The following HIP1 variants were observed in gnomAD, a reference collection of about 807,000 sequenced individuals.
HIP1 encodes the protein huntingtin interacting protein 1.
HIP1 carries 65 observed loss-of-function variants against 147.6 expected under a neutral mutation model. The observed-to-expected ratio is 0.44, with a 90% CI of 0.36 to 0.54. The LOEUF (loss-of-function observed/expected upper bound fraction) is 0.54, where lower values mean the gene tolerates loss of function less well. HIP1 is among the 20% of genes least tolerant of loss of function. The probability of loss-of-function intolerance (pLI) is 0.00; values close to 1 mark genes in which losing one functional copy is unlikely to be tolerated. For synonymous variants in HIP1, 479 were observed against 504.0 expected (o/e 0.95, Z 0.67); for missense variants, 1,061 against 1,299.6 (o/e 0.82, Z 2.82).
intron 30 of HIP1, among the ~76,000 whole-genome samples, chr7:75,538,829 C>T (rs1209566405): frequency 1.3e-5 from 2 of 152,072 alleles, no homozygotes; most frequent in African/African-American, 4.8e-5. Flanking sequence ...CCGCCTCGGC[C>T]TCCCAAAGTG....
At chr7:75,689,128 C>T (rs1455636466) in intron 1 of HIP1, among the ~76,000 whole-genome samples, 5 of 151,926 alleles carry the variant, frequency 3.3e-5, no homozygotes, top group Admixed American at 2.0e-4. Flanking sequence ...GGTGGGAGGA[C>T]CACTTGAACC....
chr7:75,570,537 C>T (rs1274687912), intron 8 of HIP1, among the ~76,000 whole-genome samples: 35 of 143,098 alleles, frequency 2.4e-4, no homozygotes, highest in Middle Eastern at 9.4e-3. Context: ...ATGATCCGCC[C>T]ACCTCGGCCT....
intron 14 of HIP1, among the ~76,000 whole-genome samples, chr7:75,558,640 T>C (rs1795109528): frequency 6.6e-6 from 1 of 152,190 alleles, no homozygotes; most frequent in Non-Finnish European, 1.5e-5. Context: ...GATTTAGGAA[T>C]GCATATATGC....
At chr7:75,641,170 A>T (rs1454956188) in intron 1 of HIP1, among the ~76,000 whole-genome samples, 1 of 151,806 alleles carries the variant, frequency 6.6e-6, no homozygotes, top group Admixed American at 6.6e-5. Flanking sequence ...GCTGGTCATG[A>T]TGGCGCACAC....
intron 1 of HIP1, chr7:75,654,543 C>T (rs1799088460): frequency 6.6e-6 from 1 of 152,248 alleles, no homozygotes; most frequent in Non-Finnish European, 1.5e-5. Context: ...ATCCAACCAA[C>T]CAGGCCAACC....
intron 28 of HIP1, among the ~76,000 whole-genome samples, chr7:75,542,568 G>C (rs182104126): frequency 1.3e-5 from 2 of 151,844 alleles, no homozygotes; most frequent in Non-Finnish European, 2.9e-5. Context: ...GCATGGTGGC[G>C]GGCGCCTGTA....
chr7:75,695,757 T>C (rs1022686823), intron 1 of HIP1, among the ~76,000 whole-genome samples: 12 of 152,070 alleles, frequency 7.9e-5, no homozygotes, highest in Non-Finnish European at 1.5e-4. Flanking sequence ...GTATTTTTAG[T>C]AGAGACGGGG....
chr7:75,548,941 C>T lies in HIP1; in HGVS notation c.2356G>A (p.Glu786Lys). 1 of 1,614,150 alleles carries T rather than the reference C, an allele frequency of 6.2e-7. No homozygotes were observed. The highest frequency in any genetic ancestry group is 2.2e-5 in the East Asian group (1 of 44,884). The change falls in exon 23 of 31, where the codon GAG (glutamate) becomes AAG (lysine). Residue 786 changes from glutamate (E) to lysine (K), a missense_variant. Glu to Lys is a moderately conservative substitution (Grantham distance 56). This residue lies in a region of HIP1 where 810 missense variants were observed against 946.8 expected (regional missense o/e 0.86). Coordinates refer to ENST00000336926, the MANE Select transcript of HIP1 (RefSeq NM_005338.7). ...QEELGDLVDK[E>K]MAATSAAIET... The stretch of plus-strand genomic sequence containing the variant: ...ATAGCAGCTGAAGTGGCCGCCATCT[C>T]CTTGTCCACCAGGTCCCCCAGCTCC...
rs782565326 is a variant in HIP1 at position 75,662,658 on chromosome 7, A to AC, written c.121-63412dup. On this transcript the variant is annotated intron_variant, in intron 1 of 30. Transcript: ENST00000336926. ...GAAGCTGGGATTACAGGCACACACT[A>AC]CCATGCCTGGCTAATTTCTGTATTT... 1.2e-4 allele frequency among the ~76,000 whole-genome samples: 19 copies of AC among 152,184 alleles called. No individual in the cohort carries two copies. The East Asian group carries it at 3.5e-3, about 28-fold the overall frequency.
At position 75,579,144 on chromosome 7, in the gene HIP1, C is replaced by T. The variant is rs587622051; in HGVS notation, c.604+2093G>A. Among the ~76,000 whole-genome samples, 9 of 150,672 alleles carry T rather than the reference C, an allele frequency of 6.0e-5. No individual in the cohort carries two copies. The South Asian group carries it at 1.7e-3, about 28-fold the overall frequency. On this transcript the variant is annotated intron_variant, in intron 7 of 30. Transcript: ENST00000336926. The stretch of plus-strand genomic sequence containing the variant: ...CAATGCATTTTTTAAAAAATAAATG[C>T]ATCTACACCACTGCTTTCAGTCTGA...
At position 75,664,028 on chromosome 7, in the gene HIP1, GTATATATATA is replaced by G. The variant is rs1799427277; in HGVS notation, c.121-64791_121-64782del. On this transcript the variant is annotated intron_variant, in intron 1 of 30. Transcript: ENST00000336926. ...TGTGTATATATATACACATATATGT[GTATATATATA>G]CACATATATGTGTATATACACATAT... Among the ~76,000 whole-genome samples the G allele has an allele frequency of 7.7e-4, 7 of 9,072 alleles. 2 individuals carry two copies. The East Asian group carries it at 0.017, about 23-fold the overall frequency. The allele number at this position is 9,072 out of a possible 152,430, so 6.0% of individuals were successfully genotyped here.
chr7:75,636,024 CAAAAAAAA>C (rs34434184), intron 1 of HIP1, among the ~76,000 whole-genome samples: 3 of 53,708 alleles, frequency 5.6e-5, no homozygotes, highest in Non-Finnish European at 3.2e-5. Context: ...GACCCTGTCT[CAAAAAAAA>C]AAAAAAAAAA....
At chr7:75,644,124 C>G (rs1462265940) in intron 1 of HIP1, among the ~76,000 whole-genome samples, 1 of 152,120 alleles carries the variant, frequency 6.6e-6, no homozygotes, top group Admixed American at 6.6e-5. Context: ...AGTTCCTTAA[C>G]CTCTCTGAAT....
Position 75,606,013 on chromosome 7 carries a change from C to A in HIP1, c.121-6766G>T, listed in dbSNP as rs1384294355. 2.0e-5 allele frequency among the ~76,000 whole-genome samples: 3 copies of A among 152,114 alleles called. No homozygotes were observed. In the East Asian group the frequency reaches 5.8e-4, roughly 29 times the overall value. Reference sequence around the variant, plus strand: ...CACAGGCACATACCACTATGCCTGGCTAGTTGGTTTTTTTAAATAGAGACG... The same window carrying A: ...CACAGGCACATACCACTATGCCTGGATAGTTGGTTTTTTTAAATAGAGACG... On this transcript the variant is annotated intron_variant, in intron 1 of 30. Transcript: ENST00000336926.
At chr7:75,723,832 C>T (rs1801569180) in intron 1 of HIP1, among the ~76,000 whole-genome samples, 1 of 152,072 alleles carries the variant, frequency 6.6e-6, no homozygotes, top group Non-Finnish European at 1.5e-5. Context: ...AGAAGGCCTC[C>T]TGTTCTGAAG....
intron 1 of HIP1, among the ~76,000 whole-genome samples, chr7:75,664,273 CAT>C (rs1311101356): frequency 7.1e-6 from 1 of 141,104 alleles, no homozygotes; most frequent in Non-Finnish European, 1.6e-5. Flanking sequence ...TGTATACATA[CAT>C]ATATACACAC....
intron 1 of HIP1, among the ~76,000 whole-genome samples, chr7:75,681,116 T>C (rs1800049966): frequency 2.0e-5 from 3 of 152,028 alleles, no homozygotes; most frequent in Admixed American, 2.0e-4. Flanking sequence ...CTTCACCATG[T>C]TGGTCAGGCT....
Position 75,738,893 on chromosome 7 carries a change from G to A in HIP1, c.28C>T (p.Gln10Ter). The change falls in exon 1 of 31, where the codon CAG becomes TAG. Residue 10 changes from glutamine to a stop codon, truncating the protein, a stop_gained. Transcript: ENST00000336926. LOFTEE classifies it high-confidence loss of function. ...ACCTTGGGCAGTGGGTTGGGCACCT[G>A]CTTCATGGAGCTGGCCATCCGATCC... is the stretch of plus-strand genomic sequence containing the variant. MDRMASSMK[Q>*]VPNPLPKVLS... 1.3e-6 allele frequency: 2 copies of A among 1,561,012 alleles called. No homozygotes were observed. The highest frequency in any genetic ancestry group is 1.7e-6 in the Non-Finnish European group (2 of 1,154,964).
intron 4 of HIP1, among the ~76,000 whole-genome samples, chr7:75,589,614 C>T (rs115689674): frequency 0.015 from 1,790 of 122,514 alleles, 31 homozygotes; most frequent in African/African-American, 0.051. Context: ...ACCTGGGTGG[C>T]GAAGGGTGCA....
Sources: gnomAD v4.1 joint callset for allele counts (sites outside exome capture counted in the v4.1 genomes callset) on GRCh38, gnomAD v4.1.1 for gene constraint, gnomAD v4.1.1 regional missense constraint, MANE v1.5 for transcripts, NCBI Gene and HGNC (gene_info 2026-07-23, HGNC 2026-07-21) for gene names.